Variants in KANK1 observed in about 807,000 individuals in gnomAD.
KANK1 encodes the protein KN motif and ankyrin repeat domains 1, also known as KN motif and ankyrin repeat domain-containing protein 1.
Under a neutral mutation model 106.2 loss-of-function variants are expected in KANK1, and 109 were observed. The ratio of observed to expected loss-of-function variants is 1.03; its 90% CI spans 0.88 to 1.20. The LOEUF (loss-of-function observed/expected upper bound fraction) is 1.20. Among genes scored for constraint, KANK1 ranks in the 50% most tolerant of loss-of-function variants. The probability of loss-of-function intolerance (pLI) is 0.00; values close to 1 mark genes in which losing one functional copy is unlikely to be tolerated. For synonymous variants in KANK1, 873 were observed against 652.2 expected (o/e 1.34, Z -5.16); for missense variants, 2,399 against 1,710.7 (o/e 1.40, Z -7.10).
At chr9:573,377 C>T (rs1266212264) in intron 1 of KANK1, among the ~76,000 whole-genome samples, 2 of 152,176 alleles carry the variant, frequency 1.3e-5, no homozygotes, top group Admixed American at 6.5e-5. Context: ...TCACGCCATT[C>T]TCTTGCCTCA....
chr9:730,025 C>T (rs768250257), intron 3 of KANK1, 26 bp from the exon 4 acceptor site: 1 of 1,602,916 alleles, frequency 6.2e-7, no homozygotes, highest in South Asian at 1.1e-5. Context: ...GCATCACACA[C>T]TCTGTACCTT....
At chr9:573,853 T>C (rs1202563120) in intron 1 of KANK1, among the ~76,000 whole-genome samples, 6 of 152,232 alleles carry the variant, frequency 3.9e-5, no homozygotes, top group African/African-American at 1.2e-4. Flanking sequence ...TCATACACAC[T>C]TCTGAAAGGT....
chr9:737,457 G>A (rs538467211), intron 7 of KANK1, among the ~76,000 whole-genome samples: 1 of 152,130 alleles, frequency 6.6e-6, no homozygotes, highest in African/African-American at 2.4e-5. Context: ...TCATATGAAG[G>A]CCCATTGAAA....
At chr9:609,232 A>G (rs1830027145) in intron 1 of KANK1, among the ~76,000 whole-genome samples, 1 of 152,226 alleles carries the variant, frequency 6.6e-6, no homozygotes, top group South Asian at 2.1e-4. Flanking sequence ...ATTTTAATTT[A>G]GAAAACATTT....
chr9:650,916 G>T (rs1342260395), intron 1 of KANK1, among the ~76,000 whole-genome samples: 1 of 151,986 alleles, frequency 6.6e-6, no homozygotes, highest in Non-Finnish European at 1.5e-5. Context: ...GAAATGAGAA[G>T]AAATGCACAA....
intron 3 of KANK1, among the ~76,000 whole-genome samples, chr9:480,746 C>T (rs557283552): frequency 1.9e-4 from 29 of 152,234 alleles, no homozygotes; most frequent in Admixed American, 1.3e-3. Context: ...GTATTAGAGA[C>T]GTTGTGGGGA....
At chr9:660,566 T>C (rs10758793) in intron 1 of KANK1, among the ~76,000 whole-genome samples, 135,867 of 152,164 alleles carry the variant, frequency 0.89, 60,787 homozygotes, top group East Asian at 0.97. Flanking sequence ...CAGTGTCAAG[T>C]CTGAAACAAA....
intron 1 of KANK1, among the ~76,000 whole-genome samples, chr9:590,385 C>T: frequency 6.6e-6 from 1 of 152,134 alleles, no homozygotes; most frequent in Non-Finnish European, 1.5e-5. Flanking sequence ...ATTTTCTCAT[C>T]CAACTCCAGT....
intron 1 of KANK1, among the ~76,000 whole-genome samples, chr9:661,345 G>T (rs899441447): frequency 6.6e-6 from 1 of 151,116 alleles, no homozygotes; most frequent in Non-Finnish European, 1.5e-5. Flanking sequence ...TCATTGTTCA[G>T]TTCCCACCTA....
intron 2 of KANK1, among the ~76,000 whole-genome samples, chr9:699,270 C>A (rs75459436): frequency 6.6e-6 from 1 of 152,214 alleles, no homozygotes; most frequent in East Asian, 1.9e-4. Flanking sequence ...TCCTATACTT[C>A]GTAAGTTCTA....
At chr9:654,670 C>G (rs1841696932) in intron 1 of KANK1, among the ~76,000 whole-genome samples, 1 of 152,128 alleles carries the variant, frequency 6.6e-6, no homozygotes, top group Admixed American at 6.5e-5. Context: ...AGTCACCCTT[C>G]TAAGACATAA....
chr9:712,281 GA>G lies in KANK1; in HGVS notation c.1516del (p.Met506TrpfsTer42). 6.2e-7 allele frequency: 1 copy of G among 1,614,214 alleles called. No homozygotes were observed. On this transcript the variant is annotated frameshift_variant, in exon 3 of 12. Transcript: ENST00000382297. LOFTEE classifies it high-confidence loss of function. ...GSRKKVDKAT[M>X]AQPLVFSKVV... ...CGAGGAAAAAGGTTGACAAAGCCAC[GA>G]TGGCCCAGCCGCTTGTTTTCAGTAA...
intron 1 of KANK1, among the ~76,000 whole-genome samples, chr9:599,616 C>T (rs1209371299): frequency 1.3e-5 from 2 of 151,820 alleles, no homozygotes; most frequent in Non-Finnish European, 2.9e-5. Context: ...TGATATGCTA[C>T]GTAGCTGACC....
At chr9:558,546 C>G (rs996684356) in intron 1 of KANK1, among the ~76,000 whole-genome samples, 7 of 152,194 alleles carry the variant, frequency 4.6e-5, no homozygotes, top group African/African-American at 1.7e-4. Context: ...CACTGTATCT[C>G]ATGCCTAAAT....
chr9:638,866 C>G (rs1403927650), intron 1 of KANK1, among the ~76,000 whole-genome samples: 1 of 152,210 alleles, frequency 6.6e-6, no homozygotes, highest in Non-Finnish European at 1.5e-5. Context: ...CAGGAAGAGA[C>G]AGATAAAAGG....
Position 738,434 on chromosome 9 carries a change from C to G in KANK1, c.3483C>G (p.Asn1161Lys). 6.2e-7 allele frequency: 1 copy of G among 1,614,050 alleles called. No individual in the cohort carries two copies. Among genetic ancestry groups the G allele is most frequent in the South Asian group, 1.1e-5 (1 of 91,072 alleles). The change falls in exon 8 of 12, where the codon AAC (asparagine) becomes AAG (lysine). Residue 1161 changes from asparagine to lysine, a missense_variant. Asn to Lys is a moderately conservative substitution (Grantham distance 94). Coordinates refer to ENST00000382297, the MANE Select transcript of KANK1 (RefSeq NM_015158.5). ...ATGTCATCAACTTGGCAGACGGCAA[C>G]GGCAACACAGCCCTCCATTACAGCG... The part of the protein sequence containing the change: ...LRYVINLADG[N>K]GNTALHYSVS...
intron 1 of KANK1, among the ~76,000 whole-genome samples, chr9:669,079 AC>A (rs1845323785): frequency 6.6e-6 from 1 of 151,802 alleles, no homozygotes; most frequent in South Asian, 2.1e-4. Flanking sequence ...CTTTAAAACA[AC>A]CCTCCATCTT....
intron 1 of KANK1, among the ~76,000 whole-genome samples, chr9:519,394 T>C (rs958571264): frequency 6.6e-6 from 1 of 151,778 alleles, no homozygotes; most frequent in Non-Finnish European, 1.5e-5. Context: ...TTTTTAATTC[T>C]TGTATATTTT....
chr9:656,839 G>T (rs1157166691), intron 1 of KANK1, among the ~76,000 whole-genome samples: 1 of 152,144 alleles, frequency 6.6e-6, no homozygotes, highest in Non-Finnish European at 1.5e-5. Context: ...TTGACCTTTA[G>T]TGTGACTGGA....
Sources: allele counts gnomAD v4.1 joint callset (sites outside exome capture counted in the v4.1 genomes callset), GRCh38; gene constraint gnomAD v4.1.1; transcripts MANE v1.5; gene names NCBI Gene and HGNC (gene_info 2026-07-23, HGNC 2026-07-21).